Variants in C1orf21 observed in about 807,000 individuals in gnomAD.
C1orf21 encodes the protein chromosome 1 open reading frame 21.
C1orf21 carries 3 observed loss-of-function variants against 18.7 expected under a neutral mutation model. The observed-to-expected ratio is 0.16, with a 90% CI of 0.07 to 0.42. C1orf21 has a LOEUF of 0.42. C1orf21 is among the 10% of genes least tolerant of loss of function. The pLI is 0.99. For missense variants in C1orf21, 104 were observed against 143.6 expected, an observed-to-expected ratio of 0.72 and a Z score of 1.41; for synonymous variants, 41 against 46.4, an observed-to-expected ratio of 0.88 and a Z score of 0.47.
intron 3 of C1orf21, among the ~76,000 whole-genome samples, chr1:184,551,232 AT>A (rs925365578): frequency 5.3e-5 from 8 of 152,050 alleles, no homozygotes; most frequent in African/African-American, 1.9e-4. Context: ...CTATGTGTGT[AT>A]TTTTTTTAAA....
chr1:184,448,289 G>T lies in C1orf21; in HGVS notation c.-124-29097G>T, dbSNP rs146207811. ...AGTAGAGATAGGGTTTTTCCATGTT[G>T]GCCAGGCTGGTCTCGAACTCATGAC... On this transcript the variant is annotated intron_variant, in intron 1 of 5. Coordinates refer to ENST00000235307, the MANE Select transcript of C1orf21 (RefSeq NM_030806.4). 1.4e-3 allele frequency among the ~76,000 whole-genome samples: 216 copies of T among 152,206 alleles called. 1 individual carries two copies. In the East Asian group the frequency reaches 0.015, roughly 10 times the overall value.
chr1:184,449,335 T>C lies in C1orf21; in HGVS notation c.-124-28051T>C, dbSNP rs866213733. On this transcript the variant is annotated intron_variant, in intron 1 of 5. Transcript: ENST00000235307. ...TGTCCTTGCGATAGTTTGCTGAGAA[T>C]GATGGTTTCCAGCTTCATCCATGTC... is the stretch of plus-strand genomic sequence containing the variant. Among the ~76,000 whole-genome samples, 78 of 152,194 alleles carry C rather than the reference T, an allele frequency of 5.1e-4. 1 individual carries two copies. The highest frequency in any genetic ancestry group is 6.8e-3 in the Middle Eastern group (2 of 294).
intron 1 of C1orf21, among the ~76,000 whole-genome samples, chr1:184,411,482 T>C (rs866662656): frequency 2.1e-4 from 29 of 139,498 alleles, no homozygotes; most frequent in East Asian, 2.0e-3. Flanking sequence ...AGTGCAGTGG[T>C]GCAATCTCGG....
In C1orf21 at chr1:184,619,672, C is replaced by T. The variant is rs145367537; in HGVS notation, c.*116C>T. 192 of 891,526 alleles carry T rather than the reference C, an allele frequency of 2.2e-4. 2 individuals are homozygous for T. The East Asian group carries it at 4.9e-3, about 23-fold the overall frequency. 55.2% of individuals were successfully genotyped at this position (891,526 alleles called of 1,614,324 possible). A position where few individuals can be genotyped will look rare whatever the true frequency, so the allele number is the denominator to read the frequency against. On this transcript the variant is annotated 3_prime_UTR_variant, in exon 6 of 6. Transcript: ENST00000235307. Reference sequence around the variant, plus strand: ...GAACAGCACTATAGCAAAAGAAGATCGTTCCATATTGTACGCCCCATTAAA... The same window carrying T: ...GAACAGCACTATAGCAAAAGAAGATTGTTCCATATTGTACGCCCCATTAAA...
intron 2 of C1orf21, among the ~76,000 whole-genome samples, chr1:184,491,222 G>C (rs56411764): frequency 1.3e-5 from 2 of 152,066 alleles, no homozygotes; most frequent in African/African-American, 4.8e-5. Flanking sequence ...CTTTATGACA[G>C]TAAAGTTTAG....
chr1:184,415,984 C>G (rs1197662842), intron 1 of C1orf21, among the ~76,000 whole-genome samples: 2 of 150,708 alleles, frequency 1.3e-5, no homozygotes, highest in Non-Finnish European at 2.9e-5. Context: ...GAACCTTATT[C>G]CCTTCCACTT....
intron 1 of C1orf21, among the ~76,000 whole-genome samples, chr1:184,405,336 C>A (rs555412662): frequency 2.6e-5 from 4 of 152,186 alleles, no homozygotes; most frequent in African/African-American, 9.6e-5. Flanking sequence ...GCTTGGACTT[C>A]AGGAGTGTGC....
chr1:184,401,944 A>G (rs184171434), intron 1 of C1orf21, among the ~76,000 whole-genome samples: 1 of 152,236 alleles, frequency 6.6e-6, no homozygotes, highest in Admixed American at 6.5e-5. Context: ...CGTGTTTTAT[A>G]TATTTAACAT....
intron 3 of C1orf21, among the ~76,000 whole-genome samples, chr1:184,571,113 G>A (rs1659103741): frequency 6.6e-6 from 1 of 151,962 alleles, no homozygotes; most frequent in South Asian, 2.1e-4. Flanking sequence ...CTAAAACGGT[G>A]AAACCCCGTC....
At chr1:184,580,950 G>A (rs1014614857) in intron 3 of C1orf21, among the ~76,000 whole-genome samples, 5 of 152,014 alleles carry the variant, frequency 3.3e-5, no homozygotes, top group African/African-American at 7.2e-5. Flanking sequence ...GAATTTAGAT[G>A]TGGTCCTGTG....
Position 184,619,948 on chromosome 1 carries a change from T to A in C1orf21, c.*392T>A. On this transcript the variant is annotated 3_prime_UTR_variant, in exon 6 of 6. Transcript: ENST00000235307. ...ATAACAAACTTCTCTTCTAAACTGGTTCTGCTTCTAAGACAAGCATCTCCT... is the reference window on the plus strand; with the variant it reads ...ATAACAAACTTCTCTTCTAAACTGGATCTGCTTCTAAGACAAGCATCTCCT... 1 of 176,226 alleles carries A rather than the reference T, an allele frequency of 5.7e-6. No homozygotes were observed. Among genetic ancestry groups the A allele is most frequent in the Non-Finnish European group, 1.2e-5 (1 of 84,880 alleles). 10.9% of individuals were successfully genotyped at this position (176,226 alleles called of 1,614,324 possible).
At chr1:184,548,214 A>AACACAC (rs58174774) in intron 3 of C1orf21, among the ~76,000 whole-genome samples, 1,894 of 140,028 alleles carry the variant, frequency 0.014, 10 homozygotes, top group African/African-American at 0.015. Flanking sequence ...TCAAATCCCC[A>AACACAC]ACACACACAC....
At chr1:184,611,511 T>C (rs1282088794) in intron 5 of C1orf21, among the ~76,000 whole-genome samples, 1 of 152,178 alleles carries the variant, frequency 6.6e-6, no homozygotes, top group Non-Finnish European at 1.5e-5. Flanking sequence ...CGTGCACAGA[T>C]GCTCAAGCTG....
At chr1:184,420,698 G>A (rs1469396302) in intron 1 of C1orf21, among the ~76,000 whole-genome samples, 1 of 151,912 alleles carries the variant, frequency 6.6e-6, no homozygotes, top group East Asian at 1.9e-4. Flanking sequence ...CTTTTATCTG[G>A]CCTTTTGCTT....
chr1:184,447,046 G>A (rs1390102119), intron 1 of C1orf21, among the ~76,000 whole-genome samples: 1 of 152,092 alleles, frequency 6.6e-6, no homozygotes, highest in East Asian at 1.9e-4. Context: ...ACTCAGTCCT[G>A]TCTATCTGTA....
intron 1 of C1orf21, among the ~76,000 whole-genome samples, chr1:184,434,209 T>C (rs1435302121): frequency 6.6e-6 from 1 of 152,062 alleles, no homozygotes; most frequent in Admixed American, 6.6e-5. Context: ...GAATAAACAC[T>C]GGGGTAAAAG....
At chr1:184,479,611 G>A (rs978916650) in intron 2 of C1orf21, among the ~76,000 whole-genome samples, 1 of 108,928 alleles carries the variant, frequency 9.2e-6, no homozygotes, top group Admixed American at 1.0e-4. Context: ...CCTCCCATAG[G>A]TCTTTTTTTT....
chr1:184,539,977 C>A (rs372535603), intron 3 of C1orf21: 1 of 152,200 alleles, frequency 6.6e-6, no homozygotes, highest in East Asian at 1.9e-4. Context: ...CTGTGATGAA[C>A]ATGTACCCAC....
intron 1 of C1orf21, among the ~76,000 whole-genome samples, chr1:184,471,082 A>C (rs1478416329): frequency 6.6e-6 from 1 of 152,162 alleles, no homozygotes; most frequent in African/African-American, 2.4e-5. Context: ...GCTCATGTCA[A>C]CATACACAGG....
Sources: allele counts gnomAD v4.1 joint callset (sites outside exome capture counted in the v4.1 genomes callset), GRCh38; gene constraint gnomAD v4.1.1; transcripts MANE v1.5; gene names NCBI Gene and HGNC (gene_info 2026-07-23, HGNC 2026-07-21).